Variants in PTH2R observed in about 807,000 individuals in gnomAD.
PTH2R encodes parathyroid hormone 2 receptor.
In PTH2R, 59 loss-of-function variants were observed where a neutral mutation model predicts 60.3. The ratio of observed to expected loss-of-function variants is 0.98; its 90% CI spans 0.79 to 1.22. The LOEUF is 1.22. PTH2R is among the 50% of genes most tolerant of loss of function. The pLI is 0.00. For missense variants in PTH2R, 749 were observed against 682.6 expected (o/e 1.10, Z -1.08); for synonymous variants, 256 against 243.8 (o/e 1.05, Z -0.47).
chr2:208,463,990 C>T (rs1258959104), intron 9 of PTH2R, among the ~76,000 whole-genome samples: 2 of 152,208 alleles, frequency 1.3e-5, no homozygotes, highest in South Asian at 2.1e-4. Flanking sequence ...AAGGCTATAA[C>T]GTTATCTACC....
upstream of PTH2R, among the ~76,000 whole-genome samples, chr2:208,406,475 C>T (rs888551237): frequency 1.3e-5 from 2 of 152,192 alleles, no homozygotes; most frequent in Non-Finnish European, 1.5e-5. Flanking sequence ...CTTTAGCCAT[C>T]TTATCGCTGT....
rs554128422 is a variant in PTH2R, at chr2:208,462,643, G to C, written c.981+2682G>C. On this transcript the variant is annotated intron_variant, in intron 9 of 12. Transcript: ENST00000272847. ...ATTTCACTTAGAATGCCAAAGACCA[G>C]AGCTCTGTAAGCATGATTAACATTC... 4.6e-5 allele frequency among the ~76,000 whole-genome samples: 7 copies of C among 152,294 alleles called. No individual in the cohort carries two copies. The South Asian group carries it at 1.0e-3, about 23-fold the overall frequency.
chr2:208,366,222 T>C (rs1395502232), intron 1 of PTH2R, among the ~76,000 whole-genome samples: 1 of 151,590 alleles, frequency 6.6e-6, no homozygotes, highest in Non-Finnish European at 1.5e-5. Context: ...ATTTCCTTAC[T>C]AGTTATTGGT....
chr2:208,477,985 C>CTACTAGTACTAG (rs1703057286), intron 9 of PTH2R, among the ~76,000 whole-genome samples: 1 of 53,522 alleles, frequency 1.9e-5, no homozygotes, highest in African/African-American at 4.5e-5. Context: ...ACTAGCACTA[C>CTACTAGTACTAG]TACTAGTACT....
intron 12 of PTH2R, among the ~76,000 whole-genome samples, chr2:208,492,903 AG>A (rs1339189403): frequency 6.6e-6 from 1 of 152,028 alleles, no homozygotes; most frequent in Non-Finnish European, 1.5e-5. Context: ...GCCACGCGAG[AG>A]TTCTGAAGTT....
chr2:208,418,542 G>C (rs867405620), intron 1 of PTH2R, among the ~76,000 whole-genome samples: 1 of 151,694 alleles, frequency 6.6e-6, no homozygotes, highest in Admixed American at 6.6e-5. Flanking sequence ...ATCCATGAAA[G>C]AAATTCTTAA....
At chr2:208,415,595 AT>A (rs912823496) in intron 1 of PTH2R, among the ~76,000 whole-genome samples, 13 of 152,306 alleles carry the variant, frequency 8.5e-5, no homozygotes, top group Admixed American at 2.0e-4. Context: ...GTGTATGTGG[AT>A]TTTTTTGCTA....
intron 9 of PTH2R, among the ~76,000 whole-genome samples, chr2:208,478,056 C>A (rs1703059255): frequency 6.6e-6 from 1 of 151,416 alleles, no homozygotes; most frequent in South Asian, 2.1e-4. Flanking sequence ...TCTTTTATTT[C>A]TTTTGCCTGG....
chr2:208,388,376 C>T (rs1051852901), intron 1 of PTH2R, among the ~76,000 whole-genome samples: 1 of 152,074 alleles, frequency 6.6e-6, no homozygotes, highest in African/African-American at 2.4e-5. Flanking sequence ...CCAACACCAA[C>T]AAAGCTATAA....
At position 208,428,639 on chromosome 2, in the gene PTH2R, G is replaced by A. The variant is rs113755757; in HGVS notation, c.178+336G>A. On this transcript the variant is annotated intron_variant, in intron 2 of 12. Coordinates refer to ENST00000272847, the MANE Select transcript of PTH2R (RefSeq NM_005048.4). The stretch of plus-strand genomic sequence containing the variant: ...TCGACCATGCAGTAAGCTTGGAGGA[G>A]TAGGCTCTGTCCCTGTGGACATTGC... Among the ~76,000 whole-genome samples the A allele has an allele frequency of 9.0e-3, 1,367 of 152,324 alleles. 22 individuals are homozygous for A. The highest frequency in any genetic ancestry group is 0.03 in the African/African-American group (1,259 of 41,562).
chr2:208,485,129 C>G (rs1309893886), intron 10 of PTH2R, among the ~76,000 whole-genome samples: 1 of 152,092 alleles, frequency 6.6e-6, no homozygotes, highest in Non-Finnish European at 1.5e-5. Context: ...GGGAATTGAT[C>G]AAGAAAGGCT....
intron 9 of PTH2R, among the ~76,000 whole-genome samples, chr2:208,467,482 C>T (rs1277649323): frequency 6.6e-6 from 1 of 152,152 alleles, no homozygotes; most frequent in Non-Finnish European, 1.5e-5. Flanking sequence ...TATAGCCAAG[C>T]AGTTACAACT....
At chr2:208,385,433 A>G (rs1339333311) in intron 1 of PTH2R, among the ~76,000 whole-genome samples, 1 of 152,022 alleles carries the variant, frequency 6.6e-6, no homozygotes, top group Non-Finnish European at 1.5e-5. Context: ...TTGCAAATCA[A>G]CACACCTTTC....
upstream of PTH2R, among the ~76,000 whole-genome samples, chr2:208,406,026 G>T (rs1701397282): frequency 6.6e-6 from 1 of 152,186 alleles, no homozygotes; most frequent in Non-Finnish European, 1.5e-5. Context: ...AGCATCCAGA[G>T]CTGATTAAAG....
At chr2:208,394,492 A>C (rs67393765) in intron 1 of PTH2R, among the ~76,000 whole-genome samples, 11,832 of 152,268 alleles carry the variant, frequency 0.078, 509 homozygotes, top group African/African-American at 0.083. Context: ...ACCCATTTGA[A>C]TGGGACACCC....
intron 1 of PTH2R, among the ~76,000 whole-genome samples, chr2:208,419,938 T>C (rs1701719726): frequency 6.6e-6 from 1 of 152,202 alleles, no homozygotes; most frequent in South Asian, 2.1e-4. Flanking sequence ...ATATACACTG[T>C]GGAATACTAT....
At chr2:208,492,374 G>A (rs900490656) in intron 12 of PTH2R, among the ~76,000 whole-genome samples, 13 of 152,188 alleles carry the variant, frequency 8.5e-5, no homozygotes, top group African/African-American at 2.7e-4. Flanking sequence ...GCAGGGGAAA[G>A]AGCTGAGCCC....
chr2:208,470,275 C>G (rs1242585961), intron 9 of PTH2R, among the ~76,000 whole-genome samples: 1 of 152,198 alleles, frequency 6.6e-6, no homozygotes, highest in Non-Finnish European at 1.5e-5. Flanking sequence ...TGCTGTGTTA[C>G]TCTCCCCATT....
chr2:208,444,709 T>A (rs1702253493), intron 6 of PTH2R, 25 bp from the exon 7 acceptor site: 2 of 1,606,380 alleles, frequency 1.2e-6, no homozygotes, highest in South Asian at 2.2e-5. Flanking sequence ...TCTAATATGA[T>A]GAAATTCTGG....
Sources: allele counts gnomAD v4.1 joint callset (sites outside exome capture counted in the v4.1 genomes callset), GRCh38; gene constraint gnomAD v4.1.1; transcripts MANE v1.5; gene names NCBI Gene and HGNC (gene_info 2026-07-23, HGNC 2026-07-21).